The following PRKD1 variants were observed in gnomAD, a reference collection of about 807,000 sequenced individuals.
PRKD1 encodes serine/threonine-protein kinase D1.
In PRKD1, 63 loss-of-function variants were observed where a neutral mutation model predicts 95.9. The ratio of observed to expected loss-of-function variants is 0.66; its 90% CI spans 0.54 to 0.81. The LOEUF is 0.81. Among genes scored for constraint, PRKD1 ranks in the 30% least tolerant of loss-of-function variants. The pLI is 0.00. For missense variants in PRKD1, 1,048 were observed against 1,165.3 expected (o/e 0.90, Z 1.47); for synonymous variants, 425 against 423.1 (o/e 1.00, Z -0.05).
chr14:29,679,551 T>C (rs1883414858), intron 2 of PRKD1, among the ~76,000 whole-genome samples: 1 of 152,146 alleles, frequency 6.6e-6, no homozygotes, highest in Non-Finnish European at 1.5e-5. Flanking sequence ...GGATTATATA[T>C]TCTAGCTAAA....
chr14:29,614,856 A>ATTTTTT (rs55917722), intron 13 of PRKD1, among the ~76,000 whole-genome samples: 2 of 115,676 alleles, frequency 1.7e-5, no homozygotes, highest in South Asian at 3.0e-4. Context: ...TGCCCAGCTA[A>ATTTTTT]TTTTTTTTTT....
intron 1 of PRKD1, among the ~76,000 whole-genome samples, chr14:29,868,891 T>C (rs564936215): frequency 2.0e-5 from 3 of 152,234 alleles, no homozygotes; most frequent in African/African-American, 7.2e-5. Flanking sequence ...GCAAGGCAAA[T>C]ACACTTAGGG....
chr14:29,589,630 ATTAT>A (rs1453214018), intron 16 of PRKD1, among the ~76,000 whole-genome samples: 1 of 151,948 alleles, frequency 6.6e-6, no homozygotes, highest in African/African-American at 2.4e-5. Flanking sequence ...AATATTATAT[ATTAT>A]TTATTTCAAA....
chr14:29,915,961 C>CA (rs1366571153), intron 1 of PRKD1, among the ~76,000 whole-genome samples: 1 of 152,162 alleles, frequency 6.6e-6, no homozygotes, highest in African/African-American at 2.4e-5. Flanking sequence ...ATTACTACCA[C>CA]AAAGGGCTGC....
At chr14:29,915,198 C>T (rs1256909376) in intron 1 of PRKD1, among the ~76,000 whole-genome samples, 2 of 152,166 alleles carry the variant, frequency 1.3e-5, no homozygotes, top group African/African-American at 4.8e-5. Context: ...TTCCACAACA[C>T]TTGGTGGCCA....
intron 16 of PRKD1, among the ~76,000 whole-genome samples, chr14:29,586,881 T>C (rs1288535067): frequency 2.6e-5 from 4 of 152,142 alleles, no homozygotes; most frequent in Non-Finnish European, 4.4e-5. Context: ...CACCCTGGCC[T>C]CCCAAAGTGC....
chr14:29,860,210 C>T (rs1196578612), intron 1 of PRKD1, among the ~76,000 whole-genome samples: 2 of 152,192 alleles, frequency 1.3e-5, no homozygotes, highest in Admixed American at 6.5e-5. Context: ...AAAATCAAAG[C>T]GATTATAAAA....
rs528358141 is a variant in PRKD1 at position 29,607,622 on chromosome 14, G to A, written c.1906-7805C>T. ...TGATGTTGCTCCCCACATCTAACCA[G>A]CTACTGCGTGTGGAGTCCTTCTCAC... is the stretch of plus-strand genomic sequence containing the variant. On this transcript the variant is annotated intron_variant, in intron 13 of 17. Coordinates refer to ENST00000331968, the MANE Select transcript of PRKD1 (RefSeq NM_002742.3). Among the ~76,000 whole-genome samples the A allele has an allele frequency of 2.0e-5, 3 of 152,286 alleles. No homozygotes were observed. The South Asian group carries it at 6.2e-4, about 32-fold the overall frequency.
In PRKD1 at chr14:29,747,830, G is replaced by A. The variant is rs551243883; in HGVS notation, c.265-22156C>T. 5.9e-5 allele frequency among the ~76,000 whole-genome samples: 9 copies of A among 152,182 alleles called. No individual in the cohort carries two copies. In the South Asian group the frequency reaches 6.2e-4, roughly 11 times the overall value. On this transcript the variant is annotated intron_variant, in intron 1 of 17. Transcript: ENST00000331968. Reference sequence around the variant, plus strand: ...ACAATCTTGGCTTACTGCAACCTCTGTCTCCTGAACTCAAGCGATTCTCAT... The same window carrying A: ...ACAATCTTGGCTTACTGCAACCTCTATCTCCTGAACTCAAGCGATTCTCAT...
chr14:29,665,025 T>C (rs1439473653), intron 3 of PRKD1, among the ~76,000 whole-genome samples: 1 of 152,182 alleles, frequency 6.6e-6, no homozygotes, highest in Admixed American at 6.5e-5. Flanking sequence ...GGGTGAAACA[T>C]GTCCACATGA....
In PRKD1 at chr14:29,576,638, T is replaced by G. The variant is rs1355129785; in HGVS notation, c.*600A>C. 1 of 158,344 alleles carries G rather than the reference T, an allele frequency of 6.3e-6. No individual in the cohort carries two copies. Among genetic ancestry groups the G allele is most frequent in the African/African-American group, 2.4e-5 (1 of 41,484 alleles). 9.8% of individuals were successfully genotyped at this position (158,344 alleles called of 1,614,324 possible). A position where few individuals can be genotyped will look rare whatever the true frequency, so the allele number is the denominator to read the frequency against. ...CTAAGGCATTTAGGCTTAAGAGCAC[T>G]AGGTCTTGCACAGCTAGGTGCATTG... On this transcript the variant is annotated 3_prime_UTR_variant, in exon 18 of 18. Coordinates refer to ENST00000331968, the MANE Select transcript of PRKD1 (RefSeq NM_002742.3).
Position 29,725,562 on chromosome 14 carries a change from C to G in PRKD1, c.377G>C (p.Gly126Ala). ...LVKAASDIQE[G>A]DLIEVVLSAS... The stretch of plus-strand genomic sequence containing the variant: ...TGACAAGACCACTTCAATAAGATCG[C>G]CTTCCTGGATATCACTGGCCGCTTT... The change falls in exon 2 of 18, where the codon GGC (glycine) becomes GCC (alanine). Residue 126 changes from glycine (G) to alanine (A), a missense_variant. Physicochemically the swap from Gly to Ala is moderately conservative, Grantham distance 60. Transcript: ENST00000331968. 18 of 1,613,678 alleles carry G rather than the reference C, an allele frequency of 1.1e-5. No homozygotes were observed. The highest frequency in any genetic ancestry group is 1.5e-5 in the Non-Finnish European group (18 of 1,179,724).
At chr14:29,639,732 A>T (rs1267443816) in intron 4 of PRKD1, among the ~76,000 whole-genome samples, 2 of 152,082 alleles carry the variant, frequency 1.3e-5, no homozygotes, top group Non-Finnish European at 2.9e-5. Flanking sequence ...ATGATTTTAC[A>T]TTTTTCCTCA....
chr14:29,853,650 T>C (rs1444327947), intron 1 of PRKD1, among the ~76,000 whole-genome samples: 1 of 152,236 alleles, frequency 6.6e-6, no homozygotes, highest in Non-Finnish European at 1.5e-5. Flanking sequence ...GTTACACTTG[T>C]GGAAGGATTC....
At chr14:29,754,215 C>G in intron 1 of PRKD1, among the ~76,000 whole-genome samples, 1 of 152,158 alleles carries the variant, frequency 6.6e-6, no homozygotes, top group East Asian at 1.9e-4. Context: ...GTTTCTTCCT[C>G]TATAAATTAG....
intron 16 of PRKD1, among the ~76,000 whole-genome samples, chr14:29,581,422 C>T (rs1447797736): frequency 6.6e-6 from 1 of 152,058 alleles, no homozygotes. Flanking sequence ...TAACAACCCC[C>T]TGAAAGTAGT....
In PRKD1 at chr14:29,636,439, G is replaced by A. The variant is rs975271640; in HGVS notation, c.1041C>T (p.Asp347=). 1.2e-6 allele frequency: 2 copies of A among 1,614,004 alleles called. No individual in the cohort carries two copies. Among genetic ancestry groups the A allele is most frequent in the Middle Eastern group, 1.6e-4 (1 of 6,062 alleles). Reference sequence around the variant, plus strand: ...GCCCACTGTTCCTTTCACTATCATTGTCATCACTCCCTTCTTCCATGACCA... The same window carrying A: ...GCCCACTGTTCCTTTCACTATCATTATCATCACTCCCTTCTTCCATGACCA... ...SDVVMEEGSD[D]NDSERNSGLM... The change falls in exon 7 of 18, where the codon GAC becomes GAT. Residue 347 remains aspartate, a synonymous_variant. Coordinates refer to ENST00000331968, the MANE Select transcript of PRKD1 (RefSeq NM_002742.3).
rs113932573 is a variant in PRKD1, at chr14:29,752,853, T to C, written c.265-27179A>G. Among the ~76,000 whole-genome samples the C allele has an allele frequency of 6.7e-3, 1,022 of 152,210 alleles. 16 individuals carry two copies. The highest frequency in any genetic ancestry group is 0.023 in the African/African-American group (940 of 41,550). Reference sequence around the variant, plus strand: ...CTGATTTCCTGTTTTTTCATAACCTTTACTTTCTGTTGCTGAAATATGTGC... The same window carrying C: ...CTGATTTCCTGTTTTTTCATAACCTCTACTTTCTGTTGCTGAAATATGTGC... On this transcript the variant is annotated intron_variant, in intron 1 of 17. Transcript: ENST00000331968.
intron 1 of PRKD1, among the ~76,000 whole-genome samples, chr14:29,926,387 C>T (rs531199202): frequency 2.5e-4 from 38 of 152,284 alleles, no homozygotes; most frequent in African/African-American, 8.4e-4. Context: ...CACCCCCTTC[C>T]ATGCAACATC....
Sources: gnomAD v4.1 joint callset for allele counts (sites outside exome capture counted in the v4.1 genomes callset) on GRCh38, gnomAD v4.1.1 for gene constraint, MANE v1.5 for transcripts, NCBI Gene and HGNC (gene_info 2026-07-23, HGNC 2026-07-21) for gene names.